The following UBE2E2 variants were observed in gnomAD, a reference collection of about 807,000 sequenced individuals.
UBE2E2 encodes ubiquitin-conjugating enzyme E2 E2.
In UBE2E2, 6 loss-of-function variants were observed where a neutral mutation model predicts 24.7. That is an observed-to-expected ratio of 0.24 (90% confidence interval 0.13 to 0.48). The LOEUF (loss-of-function observed/expected upper bound fraction) is 0.48, where lower values mean the gene tolerates loss of function less well. UBE2E2 is among the 20% of genes least tolerant of loss of function. The probability of loss-of-function intolerance (pLI) is 0.99; values close to 1 mark genes in which losing one functional copy is unlikely to be tolerated. For synonymous variants in UBE2E2, 104 were observed against 83.6 expected (o/e 1.24, Z -1.33); for missense variants, 169 against 245.0 (o/e 0.69, Z 2.07).
chr3:23,472,799 A>G (rs1699056240), intron 3 of UBE2E2, among the ~76,000 whole-genome samples: 1 of 151,592 alleles, frequency 6.6e-6, no homozygotes, highest in African/African-American at 2.4e-5. Context: ...CGCACATGCT[A>G]CCAAGCCCAG....
chr3:23,550,785 G>T (rs1292306161), intron 5 of UBE2E2, among the ~76,000 whole-genome samples: 1 of 152,154 alleles, frequency 6.6e-6, no homozygotes, highest in Non-Finnish European at 1.5e-5. Context: ...AAAGAGAGAG[G>T]CCAGCAGTGT....
intron 3 of UBE2E2, among the ~76,000 whole-genome samples, chr3:23,276,524 G>A (rs997389417): frequency 5.3e-5 from 8 of 152,028 alleles, no homozygotes; most frequent in African/African-American, 1.7e-4. Flanking sequence ...ATATTAATAT[G>A]CTTTATAATG....
intron 3 of UBE2E2, among the ~76,000 whole-genome samples, chr3:23,427,435 G>C (rs1697953412): frequency 6.6e-6 from 1 of 151,912 alleles, no homozygotes; most frequent in Admixed American, 6.6e-5. Flanking sequence ...ATCTAAGAGA[G>C]AAAATGGAAT....
intron 3 of UBE2E2, among the ~76,000 whole-genome samples, chr3:23,295,504 T>C (rs1267763251): frequency 1.3e-5 from 2 of 152,200 alleles, no homozygotes; most frequent in Non-Finnish European, 2.9e-5. Flanking sequence ...ACAACACCAC[T>C]GTTTGAGTTC....
At chr3:23,359,345 G>C (rs1449175853) in intron 3 of UBE2E2, among the ~76,000 whole-genome samples, 1 of 152,134 alleles carries the variant, frequency 6.6e-6, no homozygotes, top group Non-Finnish European at 1.5e-5. Flanking sequence ...AGTTGTACTA[G>C]GCCTTCATAA....
intron 3 of UBE2E2, among the ~76,000 whole-genome samples, chr3:23,353,966 A>C (rs1695848710): frequency 6.6e-6 from 1 of 152,188 alleles, no homozygotes; most frequent in Admixed American, 6.5e-5. Context: ...TGGAGGCATC[A>C]CGCTACCTGA....
At chr3:23,379,306 C>A (rs1696602208) in intron 3 of UBE2E2, among the ~76,000 whole-genome samples, 1 of 151,164 alleles carries the variant, frequency 6.6e-6, no homozygotes, top group Non-Finnish European at 1.5e-5. Context: ...AGGTTAGTTA[C>A]ATATGTATAC....
At chr3:23,255,287 T>A (rs1332386026) in intron 3 of UBE2E2, among the ~76,000 whole-genome samples, 2 of 148,768 alleles carry the variant, frequency 1.3e-5, no homozygotes, top group Non-Finnish European at 3.0e-5. Context: ...AACGATAGGG[T>A]TTTGCCATAT....
intron 3 of UBE2E2, among the ~76,000 whole-genome samples, chr3:23,420,676 T>C (rs1697774410): frequency 1.3e-5 from 2 of 152,236 alleles, no homozygotes; most frequent in Non-Finnish European, 2.9e-5. Context: ...CAGAACCACT[T>C]GTAAAGAGGC....
At chr3:23,261,684 GT>G (rs751783648) in intron 3 of UBE2E2, among the ~76,000 whole-genome samples, 5 of 151,974 alleles carry the variant, frequency 3.3e-5, no homozygotes, top group Non-Finnish European at 7.4e-5. Flanking sequence ...GAGTTCAACT[GT>G]TTTAGATTTC....
chr3:23,526,976 C>T (rs114192130), intron 4 of UBE2E2, among the ~76,000 whole-genome samples: 2,523 of 152,190 alleles, frequency 0.017, 29 homozygotes, highest in Middle Eastern at 0.041. Flanking sequence ...ATAAAGTCAA[C>T]AAAATTTATT....
At chr3:23,204,705 C>T (rs761594032) in intron 1 of UBE2E2, 31 of 985,300 alleles carry the variant, frequency 3.1e-5, no homozygotes, top group Non-Finnish European at 3.5e-5. Flanking sequence ...ACCCCCAAAT[C>T]AGGTGTTCCA....
At chr3:23,540,465 T>C (rs1002125323) in intron 5 of UBE2E2, among the ~76,000 whole-genome samples, 14 of 152,114 alleles carry the variant, frequency 9.2e-5, no homozygotes, top group Admixed American at 2.6e-4. Context: ...AGTGCAATGG[T>C]GCGATCTCAG....
intron 3 of UBE2E2, among the ~76,000 whole-genome samples, chr3:23,367,662 C>T (rs189634594): frequency 6.6e-6 from 1 of 152,208 alleles, no homozygotes; most frequent in Admixed American, 6.5e-5. Context: ...TCCGTGATTT[C>T]GTTCGGGCAG....
intron 3 of UBE2E2, among the ~76,000 whole-genome samples, chr3:23,486,007 A>G (rs990335131): frequency 1.3e-5 from 2 of 152,156 alleles, no homozygotes; most frequent in Non-Finnish European, 2.9e-5. Flanking sequence ...GGAAACGTCT[A>G]TGACCAGCAG....
At chr3:23,410,709 A>G (rs1697477420) in intron 3 of UBE2E2, among the ~76,000 whole-genome samples, 2 of 152,186 alleles carry the variant, frequency 1.3e-5, no homozygotes, top group African/African-American at 4.8e-5. Context: ...TACAAAGTGG[A>G]GATATATGTA....
At chr3:23,582,634 T>C (rs915543405) in intron 5 of UBE2E2, among the ~76,000 whole-genome samples, 5 of 152,228 alleles carry the variant, frequency 3.3e-5, no homozygotes, top group South Asian at 4.1e-4. Flanking sequence ...TTGGTTTTGA[T>C]TTGCATTTCT....
At chr3:23,206,435 T>C (rs937695664) in intron 1 of UBE2E2, among the ~76,000 whole-genome samples, 5 of 152,240 alleles carry the variant, frequency 3.3e-5, no homozygotes, top group Non-Finnish European at 5.9e-5. Flanking sequence ...TAAGTGACTT[T>C]AGTGCTCATA....
At chr3:23,489,054 A>G (rs1247750325) in intron 3 of UBE2E2, among the ~76,000 whole-genome samples, 8 of 152,136 alleles carry the variant, frequency 5.3e-5, no homozygotes, top group Non-Finnish European at 8.8e-5. Flanking sequence ...CTTCGTATCT[A>G]ATTGGCAGAT....
Sources: gnomAD v4.1 joint callset for allele counts (sites outside exome capture counted in the v4.1 genomes callset) on GRCh38, gnomAD v4.1.1 for gene constraint, MANE v1.5 for transcripts, NCBI Gene and HGNC (gene_info 2026-07-23, HGNC 2026-07-21) for gene names.